The following DCAF7 variants were observed in gnomAD, a reference collection of about 807,000 sequenced individuals.
The protein encoded by DCAF7 is DDB1- and CUL4-associated factor 7.
In DCAF7, 4 loss-of-function variants were observed where a neutral mutation model predicts 41.2. The ratio of observed to expected loss-of-function variants is 0.10; its 90% CI spans 0.05 to 0.22. The LOEUF is 0.22. Ranked by LOEUF, DCAF7 falls within the 10% of genes least tolerant of loss-of-function variation. The pLI, the probability that DCAF7 is intolerant of heterozygous loss-of-function variation, is 1.00. For synonymous variants in DCAF7, 143 were observed against 164.2 expected (o/e 0.87, Z 0.99); for missense variants, 131 against 443.2 (o/e 0.30, Z 6.32).
chr17:63,581,222 G>A (rs999623450), intron 4 of DCAF7, among the ~76,000 whole-genome samples: 1 of 152,214 alleles, frequency 6.6e-6, no homozygotes, highest in African/African-American at 2.4e-5. Flanking sequence ...TTGGCATCAA[G>A]TTGAACAAGC....
chr17:63,559,317 A>ATACATATATATATATATG (rs2033344424), intron 1 of DCAF7, among the ~76,000 whole-genome samples: 4 of 92,020 alleles, frequency 4.3e-5, no homozygotes, highest in African/African-American at 2.3e-4. Flanking sequence ...ATATATATAT[A>ATACATATATATATATATG]TATGTATATA....
intron 1 of DCAF7, among the ~76,000 whole-genome samples, chr17:63,554,356 C>A (rs986930211): frequency 4.6e-5 from 7 of 152,266 alleles, no homozygotes; most frequent in African/African-American, 1.7e-4. Context: ...GGCTCCACCC[C>A]TGAAGTTAAC....
intron 1 of DCAF7, among the ~76,000 whole-genome samples, chr17:63,576,464 AC>A (rs1374209797): frequency 1.3e-5 from 2 of 152,124 alleles, no homozygotes; most frequent in African/African-American, 4.8e-5. Flanking sequence ...AAAAACAACA[AC>A]AAAAAGCAAA....
chr17:63,578,417 A>C, intron 1 of DCAF7, 53 bp from the exon 2 acceptor site: 1 of 1,608,796 alleles, frequency 6.2e-7, no homozygotes, highest in Non-Finnish European at 8.5e-7. Flanking sequence ...GATCTAATGT[A>C]TTTGCTGTAC....
At position 63,585,166 on chromosome 17, in the gene DCAF7, A is replaced by G. The variant is rs761934291; in HGVS notation, c.739-45A>G. 7.8e-6 allele frequency: 12 copies of G among 1,531,464 alleles called. No homozygotes were observed. In the African/African-American group the frequency reaches 9.7e-5, roughly 12 times the overall value. The allele number at this position is 1,531,464 out of a possible 1,614,324, so 94.9% of individuals were successfully genotyped here. A position where few individuals can be genotyped will look rare whatever the true frequency, so the allele number is the denominator to read the frequency against. ...TGGATAGTATTTTTTGTTTTTTTCTATGAAACTCTGATGATCCCAGGCCTT... is the reference window on the plus strand; with the variant it reads ...TGGATAGTATTTTTTGTTTTTTTCTGTGAAACTCTGATGATCCCAGGCCTT... On this transcript the variant is annotated intron_variant, in intron 5 of 6. Coordinates refer to ENST00000614556, the MANE Select transcript of DCAF7 (RefSeq NM_005828.5).
At chr17:63,564,002 A>G (rs1568099317) in intron 1 of DCAF7, among the ~76,000 whole-genome samples, 1 of 152,250 alleles carries the variant, frequency 6.6e-6, no homozygotes, top group East Asian at 1.9e-4. Context: ...TGGCTCTAGA[A>G]TTTCATTTTT....
At chr17:63,573,562 G>A (rs1348578381) in intron 1 of DCAF7, among the ~76,000 whole-genome samples, 6 of 150,812 alleles carry the variant, frequency 4.0e-5, no homozygotes, top group Non-Finnish European at 7.4e-5. Context: ...CCATCTCTAC[G>A]AAAAATACAA....
intron 1 of DCAF7, among the ~76,000 whole-genome samples, chr17:63,551,088 A>G (rs2033247235): frequency 6.6e-6 from 1 of 152,212 alleles, no homozygotes; most frequent in Non-Finnish European, 1.5e-5. Flanking sequence ...GGGTGGAAAC[A>G]GGTCTTAAAA....
chr17:63,574,996 T>C lies in DCAF7; in HGVS notation c.139-3474T>C, dbSNP rs150509644. 1.8e-4 allele frequency among the ~76,000 whole-genome samples: 27 copies of C among 152,114 alleles called. No homozygotes were observed. The East Asian group carries it at 5.2e-3, about 29-fold the overall frequency. ...TAAAAAAAATAAAACACAATTTCAT[T>C]TATAATAGCATAAAACTTGTGTAGA... On this transcript the variant is annotated intron_variant, in intron 1 of 6. Coordinates refer to ENST00000614556, the MANE Select transcript of DCAF7 (RefSeq NM_005828.5).
chr17:63,570,221 A>G (rs1317657224), intron 1 of DCAF7, among the ~76,000 whole-genome samples: 2 of 152,072 alleles, frequency 1.3e-5, no homozygotes, highest in Non-Finnish European at 1.5e-5. Context: ...TGGGAGGCCA[A>G]TGCAGGCAGA....
intron 5 of DCAF7, 74 bp from the exon 6 acceptor site, chr17:63,585,137 C>A: frequency 2.5e-6 from 3 of 1,209,932 alleles, no homozygotes; most frequent in Non-Finnish European, 3.6e-6. Flanking sequence ...AAGATTTTTG[C>A]ATGTGGATAG....
At chr17:63,588,895 C>T (rs1362112406) in intron 6 of DCAF7, 105 bp from the exon 7 acceptor site, 2 of 1,231,950 alleles carry the variant, frequency 1.6e-6, no homozygotes, top group South Asian at 1.6e-5. Context: ...ATAGAACCGC[C>T]ATCACGGGGG....
intron 1 of DCAF7, among the ~76,000 whole-genome samples, chr17:63,574,754 C>G (rs780865431): frequency 5.3e-5 from 8 of 152,166 alleles, no homozygotes; most frequent in Non-Finnish European, 1.2e-4. Context: ...GGGTGGATCA[C>G]TTGAGCCCAG....
chr17:63,559,139 G>A (rs573884619), intron 1 of DCAF7, among the ~76,000 whole-genome samples: 3 of 150,962 alleles, frequency 2.0e-5, no homozygotes, highest in East Asian at 2.0e-4. Context: ...GTGAAAGCCC[G>A]TCTCTACTAA....
At chr17:63,583,790 C>A in intron 5 of DCAF7, 79 bp downstream of exon 5, 4 of 1,456,152 alleles carry the variant, frequency 2.7e-6, no homozygotes, top group Non-Finnish European at 3.8e-6. Context: ...TGGTTCTCAA[C>A]TGGAGCAGTT....
chr17:63,567,264 G>T (rs2033453483), intron 1 of DCAF7, among the ~76,000 whole-genome samples: 1 of 152,178 alleles, frequency 6.6e-6, no homozygotes, highest in Non-Finnish European at 1.5e-5. Context: ...TATTCAGAGA[G>T]AACTTATATT....
At chr17:63,561,563 T>C (rs2033380776) in intron 1 of DCAF7, among the ~76,000 whole-genome samples, 1 of 151,916 alleles carries the variant, frequency 6.6e-6, no homozygotes, top group Non-Finnish European at 1.5e-5. Context: ...TATCAAAATA[T>C]AAAAAATAGC....
chr17:63,568,618 T>G (rs1441828056), intron 1 of DCAF7, among the ~76,000 whole-genome samples: 2 of 152,160 alleles, frequency 1.3e-5, no homozygotes, highest in Non-Finnish European at 2.9e-5. Context: ...TTTTCTTGGC[T>G]TGATTTAACG....
Position 63,592,412 on chromosome 17 carries a change from A to T in DCAF7, c.*3240A>T, listed in dbSNP as rs1465772821. 1.2e-4 allele frequency: 15 copies of T among 121,928 alleles called. No homozygotes were observed. Among genetic ancestry groups the T allele is most frequent in the South Asian group, 4.5e-4 (2 of 4,452 alleles). The allele number at this position is 121,928 out of a possible 1,614,324, so 7.6% of individuals were successfully genotyped here. ...AGAGCAAGACTCCGTCTCAAAAAAT[A>T]AAAAAAAAAAAAAAATAGGTGAAAA... On this transcript the variant is annotated 3_prime_UTR_variant, in exon 7 of 7. Coordinates refer to ENST00000614556, the MANE Select transcript of DCAF7 (RefSeq NM_005828.5).
Sources: allele counts gnomAD v4.1 joint callset (sites outside exome capture counted in the v4.1 genomes callset), GRCh38; gene constraint gnomAD v4.1.1; transcripts MANE v1.5; gene names NCBI Gene and HGNC (gene_info 2026-07-23, HGNC 2026-07-21).